Variants in TIAM1 observed in about 807,000 individuals in gnomAD.
The protein encoded by TIAM1 is rho guanine nucleotide exchange factor TIAM1.
Under a neutral mutation model 163.5 loss-of-function variants are expected in TIAM1, and 65 were observed. That is an observed-to-expected ratio of 0.40 (90% CI 0.33 to 0.49). The LOEUF is 0.49. Ranked by LOEUF, TIAM1 falls within the 20% of genes least tolerant of loss-of-function variation. The pLI is 0.77. For synonymous variants in TIAM1, 833 were observed against 810.1 expected (o/e 1.03, Z -0.48); for missense variants, 1,789 against 2,044.7 (o/e 0.87, Z 2.41).
Position 31,225,889 on chromosome 21 carries a change from G to A in TIAM1, c.1646C>T (p.Ala549Val), listed in dbSNP as rs750656685. ...TTCCTTGTGGTGGTGCCTCGCGACCGCAGTGGCGCAGGCAGAGTGGATGGC... is the reference window on the plus strand; with the variant it reads ...TTCCTTGTGGTGGTGCCTCGCGACCACAGTGGCGCAGGCAGAGTGGATGGC... ...ITAIHSACAT[A>V]VARHHHKEDT... Residue 549 changes from alanine (A) to valine (V), a missense_variant, in exon 7 of 28, where the codon GCG becomes GTG. Physicochemically the swap from Ala to Val is moderately conservative, Grantham distance 64. Coordinates refer to ENST00000541036, the MANE Select transcript of TIAM1 (RefSeq NM_001353694.2). The A allele has an allele frequency of 1.1e-5, 18 of 1,613,990 alleles. No homozygotes were observed. Among genetic ancestry groups the A allele is most frequent in the African/African-American group, 4.0e-5 (3 of 74,918 alleles).
intron 24 of TIAM1, 80 bp from the exon 25 acceptor site, chr21:31,130,395 A>G: frequency 9.0e-7 from 1 of 1,114,918 alleles, no homozygotes; most frequent in South Asian, 1.2e-5. Context: ...TAAACCAGCG[A>G]CAGACTCTCA....
chr21:31,183,941 A>T (rs1258325711), intron 14 of TIAM1, among the ~76,000 whole-genome samples: 4 of 146,172 alleles, frequency 2.7e-5, no homozygotes, highest in Non-Finnish European at 4.5e-5. Flanking sequence ...CAAATTTTTT[A>T]AAATTTTTAT....
intron 1 of TIAM1, 60 bp from the exon 2 acceptor site, chr21:31,339,482 G>A (rs1193761865): frequency 2.5e-6 from 1 of 398,292 alleles, no homozygotes; most frequent in African/African-American, 2.1e-5. Flanking sequence ...TACCTCTAGA[G>A]ATTGCAAGAT....
chr21:31,375,528 C>G (rs2147163587), intron 2 of TIAM1, among the ~76,000 whole-genome samples: 1 of 144,816 alleles, frequency 6.9e-6, no homozygotes, highest in East Asian at 2.0e-4. Flanking sequence ...CATGTTCATT[C>G]ATATATAGAA....
At chr21:31,477,536 G>A (rs1457849421) in intron 1 of TIAM1, among the ~76,000 whole-genome samples, 9 of 148,330 alleles carry the variant, frequency 6.1e-5, no homozygotes, top group Admixed American at 1.4e-4. Context: ...GTGCAGTGGC[G>A]CAATCTCGGC....
chr21:31,285,190 C>CCG (rs1009758030), intron 2 of TIAM1, among the ~76,000 whole-genome samples: 280 of 152,046 alleles, frequency 1.8e-3, no homozygotes, highest in African/African-American at 6.5e-3. Context: ...CAAGCCACCC[C>CCG]CCCAAGCCAA....
intron 4 of TIAM1, among the ~76,000 whole-genome samples, chr21:31,255,292 C>A (rs899785180): frequency 1.3e-5 from 2 of 152,214 alleles, no homozygotes; most frequent in Non-Finnish European, 2.9e-5. Flanking sequence ...CATGCCCCCA[C>A]TGATATGTGA....
intron 3 of TIAM1, among the ~76,000 whole-genome samples, chr21:31,275,809 T>A (rs1247767548): frequency 6.6e-6 from 1 of 152,184 alleles, no homozygotes; most frequent in Non-Finnish European, 1.5e-5. Flanking sequence ...ATATTCAAGT[T>A]AACTGTGAAA....
At chr21:31,422,512 C>T (rs187465234) in intron 2 of TIAM1, among the ~76,000 whole-genome samples, 1 of 152,302 alleles carries the variant, frequency 6.6e-6, no homozygotes, top group Non-Finnish European at 1.5e-5. Flanking sequence ...ATTCCAGTGA[C>T]ACTGGCCTCC....
intron 2 of TIAM1, among the ~76,000 whole-genome samples, chr21:31,386,901 G>A (rs2076881529): frequency 6.6e-6 from 1 of 152,210 alleles, no homozygotes; most frequent in South Asian, 2.1e-4. Flanking sequence ...CCTGCGGAAG[G>A]TCCTTGGTTT....
rs975568600 is a variant in TIAM1, at chr21:31,147,133, C to T, written c.3367-130G>A. On this transcript the variant is annotated intron_variant, in intron 19 of 27. Coordinates refer to ENST00000541036, the MANE Select transcript of TIAM1 (RefSeq NM_001353694.2). ...CAACATCTTCCGTGCCTGTCAGAGC[C>T]TTTCTTTGCTATCAAATGCCCTAAA... 5 of 706,838 alleles carry T rather than the reference C, an allele frequency of 7.1e-6. No homozygotes were observed. The African/African-American group carries it at 8.8e-5, about 12-fold the overall frequency. 43.8% of individuals were successfully genotyped at this position (706,838 alleles called of 1,614,324 possible).
At chr21:31,134,353 T>C (rs1323362514) in intron 23 of TIAM1, among the ~76,000 whole-genome samples, 2 of 152,070 alleles carry the variant, frequency 1.3e-5, no homozygotes, top group Non-Finnish European at 1.5e-5. Flanking sequence ...GAAATCACTA[T>C]AGAAGAAACA....
intron 1 of TIAM1, among the ~76,000 whole-genome samples, chr21:31,342,723 TTCTTGAGC>T (rs1430585166): frequency 3.3e-5 from 5 of 152,300 alleles, no homozygotes; most frequent in Admixed American, 3.3e-4. Flanking sequence ...GCTGGGTCCT[TTCTTGAGC>T]TCAAAATGAG....
At chr21:31,148,268 C>T (rs778277233) in intron 19 of TIAM1, among the ~76,000 whole-genome samples, 1 of 151,988 alleles carries the variant, frequency 6.6e-6, no homozygotes, top group Non-Finnish European at 1.5e-5. Flanking sequence ...CCCATAATCC[C>T]CATATGTTGT....
chr21:31,326,410 T>C (rs1220962743), intron 2 of TIAM1, among the ~76,000 whole-genome samples: 1 of 152,168 alleles, frequency 6.6e-6, no homozygotes, highest in East Asian at 1.9e-4. Context: ...GCTGAAATTT[T>C]CAAAGGAACT....
At chr21:31,241,034 T>C (rs1230373620) in intron 6 of TIAM1, among the ~76,000 whole-genome samples, 5 of 151,968 alleles carry the variant, frequency 3.3e-5, no homozygotes, top group African/African-American at 1.2e-4. Context: ...TAAAGGGGAG[T>C]TCCCCTGCAC....
In TIAM1 at chr21:31,472,442, G is replaced by A. The variant is rs549506021; in HGVS notation, c.-421-8407C>T. Among the ~76,000 whole-genome samples the A allele has an allele frequency of 3.9e-5, 6 of 152,194 alleles. No homozygotes were observed. The East Asian group carries it at 7.7e-4, about 20-fold the overall frequency. ...CTCGGGAGGCTGAGAGAGGAGAATC[G>A]CTTAAACACAGGGGGCAGAGGTTTC... On this transcript the variant is annotated intron_variant, in intron 1 of 28. Coordinates refer to the TIAM1 transcript ENST00000286827.
At chr21:31,452,363 C>T (rs920130158) in intron 2 of TIAM1, 2 of 225,618 alleles carry the variant, frequency 8.9e-6, no homozygotes, top group Non-Finnish European at 8.6e-6. Context: ...CACTTGAGCC[C>T]GGGAGGCAGA....
intron 2 of TIAM1, among the ~76,000 whole-genome samples, chr21:31,387,662 C>T (rs1484340217): frequency 6.8e-6 from 1 of 147,480 alleles, no homozygotes; most frequent in Non-Finnish European, 1.5e-5. Context: ...CTCTCTACGG[C>T]TGCGGACGCT....
Sources: gnomAD v4.1 joint callset for allele counts (sites outside exome capture counted in the v4.1 genomes callset) on GRCh38, gnomAD v4.1.1 for gene constraint, MANE v1.5 for transcripts, NCBI Gene and HGNC (gene_info 2026-07-23, HGNC 2026-07-21) for gene names.